The following SIL1 variants were observed in gnomAD, a reference collection of about 807,000 sequenced individuals.
SIL1 encodes the protein nucleotide exchange factor SIL1.
SIL1 carries 40 observed loss-of-function variants against 49.1 expected under a neutral mutation model. The ratio of observed to expected loss-of-function variants is 0.81; its 90% CI spans 0.63 to 1.06. The LOEUF (loss-of-function observed/expected upper bound fraction) is 1.06. Among genes scored for constraint, SIL1 ranks in the 50% least tolerant of loss-of-function variants. The pLI, the probability that SIL1 is intolerant of heterozygous loss-of-function variation, is 0.00. For synonymous variants in SIL1, 253 were observed against 250.8 expected (o/e 1.01, Z -0.08); for missense variants, 500 against 572.6 (o/e 0.87, Z 1.29).
chr5:139,097,504 A>G (rs1770494150), intron 3 of SIL1, among the ~76,000 whole-genome samples: 1 of 148,888 alleles, frequency 6.7e-6, no homozygotes, highest in African/African-American at 2.5e-5. Context: ...TTTTTTTAAG[A>G]CTTCTCACCG....
At chr5:139,027,267 A>T (rs778543929) in intron 5 of SIL1, among the ~76,000 whole-genome samples, 4 of 152,238 alleles carry the variant, frequency 2.6e-5, no homozygotes, top group Non-Finnish European at 4.4e-5. Flanking sequence ...AAGAATAGAA[A>T]GGCTTTTTGT....
intron 4 of SIL1, among the ~76,000 whole-genome samples, chr5:139,046,129 C>T (rs879852506): frequency 2.0e-5 from 3 of 152,194 alleles, no homozygotes; most frequent in Admixed American, 6.5e-5. Flanking sequence ...AATTTCAAGA[C>T]CAGCCTGGCC....
intron 3 of SIL1, among the ~76,000 whole-genome samples, chr5:139,056,533 TC>T (rs1404431311): frequency 7.2e-6 from 1 of 138,500 alleles, no homozygotes; most frequent in Non-Finnish European, 1.6e-5. Context: ...AGCCGCCCCG[TC>T]CGGGAGGGAG....
At chr5:139,093,287 A>G (rs988412317) in intron 3 of SIL1, among the ~76,000 whole-genome samples, 2 of 152,226 alleles carry the variant, frequency 1.3e-5, no homozygotes, top group Non-Finnish European at 1.5e-5. Context: ...GAATTGTAAG[A>G]AATAAATCTA....
In SIL1 at chr5:139,042,714, T is replaced by A; in HGVS notation, c.359A>T (p.Asp120Val). Residue 120 changes from aspartate to valine, a missense_variant, in exon 5 of 10, where the codon GAT (aspartate) becomes GTT (valine). Coordinates refer to ENST00000394817, the MANE Select transcript of SIL1 (RefSeq NM_022464.5). ...FRNNLKGKRL[D>V]INTNTYTSQD... is the part of the protein sequence containing the mutation. ...AGATGTGTAGGTGTTGGTGTTGATA[T>A]CCAGCCTGTCCAAAGAAAACTGAGA... 6.2e-7 allele frequency: 1 copy of A among 1,614,058 alleles called. No individual in the cohort carries two copies. Among genetic ancestry groups the A allele is most frequent in the Non-Finnish European group, 8.5e-7 (1 of 1,179,976 alleles).
chr5:139,048,632 A>C (rs1254527750), intron 4 of SIL1, among the ~76,000 whole-genome samples: 1 of 151,862 alleles, frequency 6.6e-6, no homozygotes, highest in East Asian at 1.9e-4. Flanking sequence ...AGCCTCCCAA[A>C]ATGTTGGTAT....
intron 3 of SIL1, among the ~76,000 whole-genome samples, chr5:139,057,417 A>G (rs1056261094): frequency 2.0e-5 from 3 of 151,850 alleles, no homozygotes; most frequent in African/African-American, 7.3e-5. Flanking sequence ...TCATGTGCAC[A>G]TGGTTTATTA....
intron 1 of SIL1, among the ~76,000 whole-genome samples, chr5:139,156,535 C>G (rs11750420): frequency 0.36 from 54,783 of 151,994 alleles, 12,174 homozygotes; most frequent in South Asian, 0.52. Flanking sequence ...AGGATCTTTG[C>G]AGATGTTTTT....
intron 1 of SIL1, among the ~76,000 whole-genome samples, chr5:139,135,612 C>T (rs935887011): frequency 5.3e-5 from 8 of 151,956 alleles, no homozygotes; most frequent in Non-Finnish European, 5.9e-5. Context: ...CATTCCTAGC[C>T]CTTTCTCTGT....
At chr5:139,050,605 T>G (rs1346880034) in intron 4 of SIL1, among the ~76,000 whole-genome samples, 3 of 152,248 alleles carry the variant, frequency 2.0e-5, no homozygotes, top group Non-Finnish European at 4.4e-5. Flanking sequence ...CAGGCCTGTT[T>G]TAATGAATAG....
intron 7 of SIL1, among the ~76,000 whole-genome samples, chr5:138,984,503 C>T (rs185495301): frequency 6.6e-6 from 1 of 152,154 alleles, no homozygotes; most frequent in East Asian, 1.9e-4. Flanking sequence ...GGACTACAGG[C>T]ATGTGCCACC....
intron 1 of SIL1, among the ~76,000 whole-genome samples, chr5:139,197,438 G>A (rs1189125950): frequency 6.6e-6 from 1 of 152,142 alleles, no homozygotes; most frequent in African/African-American, 2.4e-5. Flanking sequence ...AAAGCCAACT[G>A]AACTTTAAAC....
At chr5:139,172,460 T>G (rs1020236383) in intron 1 of SIL1, among the ~76,000 whole-genome samples, 3 of 151,852 alleles carry the variant, frequency 2.0e-5, no homozygotes, top group African/African-American at 7.3e-5. Context: ...GGCAAAACCC[T>G]GTCTCTACTA....
chr5:138,958,100 C>T (rs1009495092), intron 7 of SIL1, among the ~76,000 whole-genome samples: 2 of 152,130 alleles, frequency 1.3e-5, no homozygotes, highest in Non-Finnish European at 2.9e-5. Flanking sequence ...TTTGACCCCA[C>T]GTCCGATTTA....
chr5:139,088,668 G>A (rs1225196855), intron 3 of SIL1, among the ~76,000 whole-genome samples: 2 of 152,238 alleles, frequency 1.3e-5, no homozygotes, highest in East Asian at 1.9e-4. Flanking sequence ...TTGGTCAGCA[G>A]ACAGTCTACA....
intron 7 of SIL1, among the ~76,000 whole-genome samples, chr5:138,988,234 G>A (rs570054738): frequency 1.8e-4 from 27 of 152,280 alleles, no homozygotes; most frequent in African/African-American, 5.3e-4. Context: ...GCACAGACCC[G>A]TACACCTGGT....
chr5:139,006,510 G>A (rs1345628428), intron 7 of SIL1, among the ~76,000 whole-genome samples: 3 of 138,406 alleles, frequency 2.2e-5, no homozygotes, highest in African/African-American at 5.4e-5. Flanking sequence ...TTGGTGTTTT[G>A]GACATGAAGT....
chr5:139,043,198 A>C (rs1161137475), intron 4 of SIL1, among the ~76,000 whole-genome samples: 1 of 152,170 alleles, frequency 6.6e-6, no homozygotes, highest in African/African-American at 2.4e-5. Context: ...CATTTCATGA[A>C]AGAGGAAGCA....
At chr5:139,134,993 A>G (rs1199417922) in intron 1 of SIL1, among the ~76,000 whole-genome samples, 1 of 152,242 alleles carries the variant, frequency 6.6e-6, no homozygotes, top group Non-Finnish European at 1.5e-5. Context: ...CGCCCCTGAC[A>G]AGGGAGAACA....
Sources: gnomAD v4.1 joint callset for allele counts (sites outside exome capture counted in the v4.1 genomes callset) on GRCh38, gnomAD v4.1.1 for gene constraint, MANE v1.5 for transcripts, NCBI Gene and HGNC (gene_info 2026-07-23, HGNC 2026-07-21) for gene names.